COL19A1: variants seen among roughly 807,000 people sequenced by gnomAD.
COL19A1 encodes collagen type XIX alpha 1 chain.
COL19A1 carries 159 observed loss-of-function variants against 190.2 expected under a neutral mutation model. The ratio of observed to expected loss-of-function variants is 0.84; its 90% confidence interval spans 0.73 to 0.95. The LOEUF is 0.95. Ranked by LOEUF, COL19A1 falls within the 40% of genes least tolerant of loss-of-function variation. The pLI is 0.00. For synonymous variants in COL19A1, 509 were observed against 458.9 expected (o/e 1.11, Z -1.39); for missense variants, 1,418 against 1,431.9 (o/e 0.99, Z 0.16).
chr6:70,142,961 T>C lies in COL19A1; in HGVS notation c.1626+141T>C, dbSNP rs1468613712. ...TCATCTATGCCACAAAAACTGATCATACCTAATGTCAGGAGCTATTGGGAA... is the reference window on the plus strand; with the variant it reads ...TCATCTATGCCACAAAAACTGATCACACCTAATGTCAGGAGCTATTGGGAA... On this transcript the variant is annotated intron_variant, in intron 23 of 50. Transcript: ENST00000620364. The C allele has an allele frequency of 2.4e-5, 16 of 660,622 alleles. No individual in the cohort carries two copies. The Admixed American group carries it at 4.3e-4, about 18-fold the overall frequency. 40.9% of individuals were successfully genotyped at this position (660,622 alleles called of 1,614,324 possible).
At chr6:70,187,466 GTTTTTTT>G in intron 46 of COL19A1, among the ~76,000 whole-genome samples, 1 of 96,412 alleles carries the variant, frequency 1.0e-5, no homozygotes, top group African/African-American at 4.7e-5. Flanking sequence ...ATGTCCTAAA[GTTTTTTT>G]AAGTGAAAAG....
chr6:69,944,225 T>C (rs1386096803), intron 9 of COL19A1, among the ~76,000 whole-genome samples: 1 of 152,134 alleles, frequency 6.6e-6, no homozygotes, highest in Admixed American at 6.6e-5. Flanking sequence ...TACTCCCACC[T>C]CTATCCTCTT....
At chr6:69,996,169 A>G (rs896444536) in intron 11 of COL19A1, among the ~76,000 whole-genome samples, 1 of 152,174 alleles carries the variant, frequency 6.6e-6, no homozygotes, top group Non-Finnish European at 1.5e-5. Flanking sequence ...CTCAGTATTG[A>G]CACAATACTA....
intron 4 of COL19A1, among the ~76,000 whole-genome samples, chr6:69,921,485 T>G (rs1004710465): frequency 7.8e-5 from 9 of 115,466 alleles, no homozygotes; most frequent in African/African-American, 3.3e-4. Context: ...TATTCATATA[T>G]ATTCATATAT....
intron 4 of COL19A1, among the ~76,000 whole-genome samples, chr6:69,903,290 C>T (rs983323342): frequency 3.9e-5 from 6 of 152,218 alleles, no homozygotes; most frequent in Non-Finnish European, 5.9e-5. Context: ...CATGCCCCAT[C>T]AGGAGTGGTG....
At chr6:70,021,816 G>A (rs1468708217) in intron 11 of COL19A1, among the ~76,000 whole-genome samples, 2 of 152,144 alleles carry the variant, frequency 1.3e-5, no homozygotes, top group Non-Finnish European at 2.9e-5. Flanking sequence ...TTTAATTTTA[G>A]TAGCCACATG....
chr6:70,146,953 T>G (rs1786695602), intron 27 of COL19A1, 64 bp downstream of exon 27: 1 of 1,396,650 alleles, frequency 7.2e-7, no homozygotes, highest in Non-Finnish European at 9.7e-7. Context: ...CAGTGTCAAA[T>G]TTTAACAAGG....
chr6:70,080,958 C>T (rs1194853223), intron 15 of COL19A1, among the ~76,000 whole-genome samples: 1 of 152,012 alleles, frequency 6.6e-6, no homozygotes, highest in African/African-American at 2.4e-5. Flanking sequence ...GCAGCTGTTG[C>T]CATAGAAATA....
chr6:70,176,296 A>T, intron 41 of COL19A1, among the ~76,000 whole-genome samples: 1 of 152,198 alleles, frequency 6.6e-6, no homozygotes, highest in East Asian at 1.9e-4. Context: ...TATTTACTTT[A>T]GTTTTATGGA....
At chr6:70,092,625 C>CT (rs1163732095) in intron 15 of COL19A1, among the ~76,000 whole-genome samples, 1 of 152,042 alleles carries the variant, frequency 6.6e-6, no homozygotes, top group Non-Finnish European at 1.5e-5. Context: ...ATTGGGTGAC[C>CT]TTTATAGTTC....
chr6:70,168,715 A>G lies in COL19A1; in HGVS notation c.2568+34A>G, dbSNP rs879409668. On this transcript the variant is annotated intron_variant, in intron 40 of 50. Coordinates refer to ENST00000620364, the MANE Select transcript of COL19A1 (RefSeq NM_001858.6). The stretch of plus-strand genomic sequence containing the variant: ...GTTCCCATGTTTTGTGTCATTTAGA[A>G]TATTGGTCTTTGTTAAATTTTGAAA... 9 of 1,609,674 alleles carry G rather than the reference A, an allele frequency of 5.6e-6. No homozygotes were observed. In the Admixed American group the frequency reaches 1.5e-4, roughly 27 times the overall value.
intron 13 of COL19A1, among the ~76,000 whole-genome samples, chr6:70,034,703 C>T (rs1188107279): frequency 2.6e-5 from 4 of 152,114 alleles, no homozygotes; most frequent in Non-Finnish European, 5.9e-5. Flanking sequence ...CATTTTCTGC[C>T]ACTTTTTCTC....
chr6:70,141,295 T>C (rs1418988306), intron 20 of COL19A1, among the ~76,000 whole-genome samples: 1 of 152,072 alleles, frequency 6.6e-6, no homozygotes, highest in Admixed American at 6.6e-5. Context: ...ATATCAAAAA[T>C]ATAAAATTAA....
At chr6:70,121,827 T>G (rs1784895407) in intron 16 of COL19A1, 53 bp from the exon 17 acceptor site, 1 of 1,112,078 alleles carries the variant, frequency 9.0e-7, no homozygotes, top group African/African-American at 1.6e-5. Context: ...ATTTAAATAT[T>G]CATTGTTTTG....
At chr6:70,178,151 G>A (rs773258710) in intron 42 of COL19A1, among the ~76,000 whole-genome samples, 8 of 152,194 alleles carry the variant, frequency 5.3e-5, no homozygotes, top group Non-Finnish European at 8.8e-5. Flanking sequence ...ACTCTGGGAG[G>A]CCAAGATGGG....
In COL19A1 at chr6:70,065,126, C is replaced by T. The variant is rs538694823; in HGVS notation, c.1171-3297C>T. ...AAACTACTTTAAAGTTCGTATGGAACCAAAAAAGAGCCAGCATTGCCAAGT... is the reference window on the plus strand; with the variant it reads ...AAACTACTTTAAAGTTCGTATGGAATCAAAAAAGAGCCAGCATTGCCAAGT... On this transcript the variant is annotated intron_variant, in intron 14 of 50. Transcript: ENST00000620364. Among the ~76,000 whole-genome samples the T allele has an allele frequency of 3.3e-5, 5 of 152,204 alleles. No individual in the cohort carries two copies. The East Asian group carries it at 5.8e-4, about 18-fold the overall frequency.
intron 14 of COL19A1, among the ~76,000 whole-genome samples, chr6:70,056,218 C>A (rs1237986570): frequency 1.3e-5 from 2 of 152,094 alleles, no homozygotes; most frequent in Admixed American, 6.6e-5. Flanking sequence ...TTTTACACAT[C>A]TAAAAATGTT....
chr6:70,086,936 C>T (rs1178934719), intron 15 of COL19A1, among the ~76,000 whole-genome samples: 1 of 152,118 alleles, frequency 6.6e-6, no homozygotes, highest in Non-Finnish European at 1.5e-5. Flanking sequence ...AACCAATGGA[C>T]ACAATAGACT....
chr6:70,038,428 C>CA (rs1367265903), intron 14 of COL19A1, among the ~76,000 whole-genome samples: 1 of 152,128 alleles, frequency 6.6e-6, no homozygotes, highest in Non-Finnish European at 1.5e-5. Context: ...TCTTCCTACT[C>CA]AAAAAAATTA....
Sources: allele counts gnomAD v4.1 joint callset (sites outside exome capture counted in the v4.1 genomes callset), GRCh38; gene constraint gnomAD v4.1.1; transcripts MANE v1.5; gene names NCBI Gene and HGNC (gene_info 2026-07-23, HGNC 2026-07-21).